Variants in KDM2B observed in about 807,000 individuals in gnomAD.
KDM2B encodes the protein lysine demethylase 2B.
In KDM2B, 26 loss-of-function variants were observed where a neutral mutation model predicts 150.0. The observed-to-expected ratio is 0.17, with a 90% CI of 0.13 to 0.24. The LOEUF is 0.24. KDM2B is among the 10% of genes least tolerant of loss of function. The pLI is 1.00. For synonymous variants in KDM2B, 734 were observed against 729.5 expected (o/e 1.01, Z -0.10); for missense variants, 1,265 against 1,816.9 (o/e 0.70, Z 5.52).
In KDM2B at chr12:121,442,407, G is replaced by A. The variant is rs782075845; in HGVS notation, c.3034C>T (p.Leu1012=). 6.3e-7 allele frequency: 1 copy of A among 1,597,456 alleles called. No individual in the cohort carries two copies. The highest frequency in any genetic ancestry group is 2.3e-5 in the East Asian group (1 of 44,442). ...NGTPRELRHQ[L]GPSLRSPPRV... The stretch of plus-strand genomic sequence containing the variant: ...GGCGGGCTGCGCAGGCTGGGCCCCA[G>A]CTGGTGCCGCAGCTCCCGGGGGGTG... The change falls in exon 19 of 23, where the codon CTG becomes TTG. Residue 1012 remains leucine (L), a synonymous_variant. Coordinates refer to ENST00000377071, the MANE Select transcript of KDM2B (RefSeq NM_032590.5). This position sits in a 1 kb window ranked among gnomAD's most constrained non-coding sequence, Gnocchi z 7.7.
At chr12:121,492,458 C>T (rs1394838149) in intron 12 of KDM2B, among the ~76,000 whole-genome samples, 1 of 150,364 alleles carries the variant, frequency 6.7e-6, no homozygotes, top group Non-Finnish European at 1.5e-5. Flanking sequence ...CAGGCGCGTG[C>T]CACCATGCCC....
At chr12:121,435,037 G>GGA (rs1555286442) in intron 22 of KDM2B, among the ~76,000 whole-genome samples, 11 of 139,348 alleles carry the variant, frequency 7.9e-5, no homozygotes, top group South Asian at 4.6e-4. Flanking sequence ...CCAACAAAGG[G>GGA]AAAAAAAAAA....
chr12:121,514,148 T>G (rs1193117186), intron 9 of KDM2B, among the ~76,000 whole-genome samples: 3 of 152,092 alleles, frequency 2.0e-5, no homozygotes, highest in African/African-American at 7.2e-5. Flanking sequence ...TTGTCCCACC[T>G]CTGTCACCCA....
chr12:121,580,381 C>T lies in KDM2B; in HGVS notation c.126+405G>A, dbSNP rs1368759620. On this transcript the variant is annotated intron_variant, in intron 1 of 22. Coordinates refer to ENST00000377071, the MANE Select transcript of KDM2B (RefSeq NM_032590.5). Reference sequence around the variant, plus strand: ...GCTTGGGGGGGTGGGGGCGGCGGCCCGAGGAGGTATGGGGCGGGGAGGGAG... The same window carrying T: ...GCTTGGGGGGGTGGGGGCGGCGGCCTGAGGAGGTATGGGGCGGGGAGGGAG... 5 of 974,424 alleles carry T rather than the reference C, an allele frequency of 5.1e-6. No homozygotes were observed. In the Admixed American group the frequency reaches 2.3e-4, roughly 44 times the overall value. The allele number at this position is 974,424 out of a possible 1,614,324, so 60.4% of individuals were successfully genotyped here. A position where few individuals can be genotyped will look rare whatever the true frequency, so the allele number is the denominator to read the frequency against.
chr12:121,456,288 G>A (rs1030726805), intron 12 of KDM2B, among the ~76,000 whole-genome samples: 3 of 152,240 alleles, frequency 2.0e-5, no homozygotes, highest in East Asian at 1.9e-4. Context: ...GCCTCAGTGC[G>A]AAGGGTGCCA....
At position 121,430,705 on chromosome 12, in the gene KDM2B, G is replaced by T; in HGVS notation, c.3830-236C>A. 1 of 571,088 alleles carries T rather than the reference G, an allele frequency of 1.8e-6. No homozygotes were observed. The highest frequency in any genetic ancestry group is 2.8e-5 in the East Asian group (1 of 36,088). The allele number at this position is 571,088 out of a possible 1,614,324, so 35.4% of individuals were successfully genotyped here. On this transcript the variant is annotated intron_variant, in intron 22 of 22. Coordinates refer to ENST00000377071, the MANE Select transcript of KDM2B (RefSeq NM_032590.5). The surrounding 1 kb of genome is among the most constrained non-coding windows in gnomAD (Gnocchi z 4.4). ...GCCTCAAAAGCATTCAGATAACCAC[G>T]TGAAAATCACTTCTGATTTACCACA...
intron 12 of KDM2B, among the ~76,000 whole-genome samples, chr12:121,493,492 T>TCTTATCTC (rs1437578227): frequency 6.6e-6 from 1 of 152,106 alleles, no homozygotes; most frequent in Non-Finnish European, 1.5e-5. Flanking sequence ...GGTACAGAGA[T>TCTTATCTC]GACCTGATAC....
intron 11 of KDM2B, 148 bp downstream of exon 11, chr12:121,509,419 G>GAGA: frequency 7.1e-7 from 1 of 1,405,388 alleles, no homozygotes; most frequent in Non-Finnish European, 9.4e-7. Flanking sequence ...TTTGTGGACT[G>GAGA]AGACCCCAGA....
chr12:121,535,499 C>T (rs1888018021), intron 6 of KDM2B, among the ~76,000 whole-genome samples: 1 of 152,202 alleles, frequency 6.6e-6, no homozygotes, highest in Admixed American at 6.5e-5. Context: ...GGTTGCAAAA[C>T]TCTGTGAACA....
the KDM2B span, chr12:121,415,402 C>G: frequency 3.9e-6 from 1 of 254,536 alleles, no homozygotes. Flanking sequence ...AGGCAGATCA[C>G]TTGAGGCCAC....
intron 11 of KDM2B, among the ~76,000 whole-genome samples, chr12:121,500,500 G>A (rs1031256558): frequency 2.0e-5 from 3 of 152,180 alleles, no homozygotes; most frequent in South Asian, 2.1e-4. Flanking sequence ...CAATGGATTC[G>A]GGTCCCACTG....
At chr12:121,516,681 G>C (rs917843888) in intron 9 of KDM2B, 2 of 644,812 alleles carry the variant, frequency 3.1e-6, no homozygotes, top group Non-Finnish European at 2.7e-6. Flanking sequence ...GAGGACCTCA[G>C]GGCCCACTCA....
At chr12:121,581,496 C>CA (rs1219771002), upstream of KDM2B, among the ~76,000 whole-genome samples, 5 of 152,200 alleles carry the variant, frequency 3.3e-5, no homozygotes, top group African/African-American at 1.2e-4. Flanking sequence ...TCATGAGCAA[C>CA]AGTCAGGTCG....
At chr12:121,473,445 C>T (rs532205113) in intron 12 of KDM2B, among the ~76,000 whole-genome samples, 15 of 149,650 alleles carry the variant, frequency 1.0e-4, no homozygotes, top group African/African-American at 3.4e-4. Context: ...TGGCTGGGCT[C>T]GGGTGGCTCA....
chr12:121,512,642 C>CG (rs1555304213), intron 10 of KDM2B, among the ~76,000 whole-genome samples: 1 of 152,156 alleles, frequency 6.6e-6, no homozygotes, highest in African/African-American at 2.4e-5. Context: ...GATTGCTGGT[C>CG]GGGGCTTGCA....
chr12:121,486,772 G>C (rs542778099), intron 12 of KDM2B, among the ~76,000 whole-genome samples: 7 of 152,020 alleles, frequency 4.6e-5, no homozygotes, highest in African/African-American at 1.7e-4. Context: ...GGGTGACACA[G>C]TGAGAATCTG....
chr12:121,478,072 A>G (rs1555297116), intron 12 of KDM2B, among the ~76,000 whole-genome samples: 1 of 151,790 alleles, frequency 6.6e-6, no homozygotes, highest in Admixed American at 6.6e-5. Flanking sequence ...CTGTAGAAAC[A>G]GGTTCTCTCC....
At chr12:121,576,542 T>G (rs1891504919) in intron 2 of KDM2B, among the ~76,000 whole-genome samples, 1 of 152,054 alleles carries the variant, frequency 6.6e-6, no homozygotes. Flanking sequence ...GGGAAGGCTG[T>G]GTAAAGGGGG....
intron 8 of KDM2B, among the ~76,000 whole-genome samples, chr12:121,532,223 T>C (rs1011396179): frequency 4.6e-5 from 7 of 152,122 alleles, no homozygotes; most frequent in Admixed American, 3.3e-4. Context: ...CTTCCATTAA[T>C]GCAACCTAAG....
Sources: gnomAD v4.1 joint callset for allele counts (sites outside exome capture counted in the v4.1 genomes callset) on GRCh38, gnomAD v4.1.1 for gene constraint, Gnocchi (gnomAD v3.1) non-coding constraint, MANE v1.5 for transcripts, NCBI Gene and HGNC (gene_info 2026-07-23, HGNC 2026-07-21) for gene names.